CLIP2: variants seen among roughly 807,000 people sequenced by gnomAD.
The protein encoded by CLIP2 is CAP-Gly domain containing linker protein 2.
CLIP2 carries 41 observed loss-of-function variants against 111.7 expected under a neutral mutation model. The observed-to-expected ratio is 0.37, with a 90% confidence interval of 0.29 to 0.48. The LOEUF is 0.48. Ranked by LOEUF, CLIP2 falls within the 20% of genes least tolerant of loss-of-function variation. The probability of loss-of-function intolerance (pLI) is 0.99; values close to 1 mark genes in which losing one functional copy is unlikely to be tolerated. For synonymous variants in CLIP2, 660 were observed against 644.2 expected (o/e 1.02, Z -0.37); for missense variants, 1,160 against 1,422.1 (o/e 0.82, Z 2.96).
In CLIP2 at chr7:74,386,612, TC is replaced by T; in HGVS notation, c.2563+11del. ...TCAGGGCCCAAGTAAGTGGTAAGTCTCCCTCCCGCAGGGCAGATGCGGGGGG... is the reference window on the plus strand; with the variant it reads ...TCAGGGCCCAAGTAAGTGGTAAGTCTCCTCCCGCAGGGCAGATGCGGGGGG... On this transcript the variant is annotated intron_variant, in intron 12 of 16. Transcript: ENST00000223398. The T allele has an allele frequency of 6.3e-7, 1 of 1,598,640 alleles. No individual in the cohort carries two copies. Among genetic ancestry groups the T allele is most frequent in the Non-Finnish European group, 8.5e-7 (1 of 1,173,840 alleles).
At chr7:74,308,953 A>G (rs1272378505) in intron 1 of CLIP2, among the ~76,000 whole-genome samples, 1 of 151,974 alleles carries the variant, frequency 6.6e-6, no homozygotes, top group Non-Finnish European at 1.5e-5. Flanking sequence ...CTGCAGCCTC[A>G]ACCTCCTGGG....
intron 7 of CLIP2, among the ~76,000 whole-genome samples, chr7:74,362,340 C>T (rs1391448251): frequency 2.0e-5 from 3 of 152,062 alleles, no homozygotes; most frequent in Non-Finnish European, 4.4e-5. Context: ...TCCCCAACAC[C>T]CCCACTTGGG....
chr7:74,381,964 C>A (rs183039569), intron 11 of CLIP2, among the ~76,000 whole-genome samples: 25 of 152,012 alleles, frequency 1.6e-4, no homozygotes, highest in African/African-American at 5.3e-4. Flanking sequence ...ACCTGTTTCC[C>A]CTCAAACTCC....
chr7:74,336,602 T>C (rs566550653), intron 2 of CLIP2, among the ~76,000 whole-genome samples: 1 of 152,062 alleles, frequency 6.6e-6, no homozygotes, highest in East Asian at 1.9e-4. Flanking sequence ...TTCATTAAGC[T>C]CCCACTGGGT....
intron 1 of CLIP2, among the ~76,000 whole-genome samples, chr7:74,296,788 C>A (rs376538330): frequency 3.1e-3 from 376 of 119,888 alleles, no homozygotes; most frequent in South Asian, 4.2e-3. Flanking sequence ...GATTTTGTCT[C>A]AAAAAAAAAA....
At chr7:74,314,136 C>T (rs897226978) in intron 1 of CLIP2, among the ~76,000 whole-genome samples, 1 of 146,250 alleles carries the variant, frequency 6.8e-6, no homozygotes, top group Non-Finnish European at 1.5e-5. Flanking sequence ...GATCCAAGAT[C>T]GTGCCACTGC....
At chr7:74,326,100 C>T (rs1264469665) in intron 2 of CLIP2, among the ~76,000 whole-genome samples, 3 of 151,888 alleles carry the variant, frequency 2.0e-5, no homozygotes, top group African/African-American at 4.8e-5. Context: ...ATTAGCCGGG[C>T]GCGACGGCAC....
chr7:74,323,433 T>C (rs1789022296), intron 2 of CLIP2, among the ~76,000 whole-genome samples: 1 of 151,538 alleles, frequency 6.6e-6, no homozygotes, highest in Non-Finnish European at 1.5e-5. Context: ...TTTTCTTTTT[T>C]TTTTTCTTTT....
Position 74,376,563 on chromosome 7 carries a change from C to T in CLIP2, c.2162C>T (p.Ala721Val). Residue 721 changes from alanine (A) to valine (V), a missense_variant, in exon 10 of 17, where the codon GCC (alanine) becomes GTC (valine). Transcript: ENST00000223398. This position sits in a 1 kb window ranked among gnomAD's most constrained non-coding sequence, Gnocchi z 7.1. ...ASQHRLELQE[A>V]QDQRRDAELR... The stretch of plus-strand genomic sequence containing the variant: ...CAGCACCGGCTGGAGCTGCAGGAGG[C>T]CCAGGACCAGCGCCGGGATGCCGAG... 1 of 1,607,792 alleles carries T rather than the reference C, an allele frequency of 6.2e-7. No individual in the cohort carries two copies. The highest frequency in any genetic ancestry group is 1.1e-5 in the South Asian group (1 of 90,474).
At position 74,390,159 on chromosome 7, in the gene CLIP2, AAAG is replaced by A. The variant is rs1281523640; in HGVS notation, c.2720+906_2720+908del. ...GAGAAAGAAAGAAAGAAAAAGAAAG[AAAG>A]AAGAAAGAAAGAAAGAAAGAAAGAA... On this transcript the variant is annotated intron_variant, in intron 13 of 16. Coordinates refer to ENST00000223398, the MANE Select transcript of CLIP2 (RefSeq NM_003388.5). Among the ~76,000 whole-genome samples, 85 of 44,894 alleles carry A rather than the reference AAAG, an allele frequency of 1.9e-3. 4 individuals carry two copies. In the East Asian group the frequency reaches 0.019, roughly 10 times the overall value. 29.5% of individuals were successfully genotyped at this position (44,894 alleles called of 152,430 possible). A position where few individuals can be genotyped will look rare whatever the true frequency, so the allele number is the denominator to read the frequency against.
At chr7:74,351,149 G>A (rs111275597) in intron 3 of CLIP2, among the ~76,000 whole-genome samples, 96 of 151,404 alleles carry the variant, frequency 6.3e-4, no homozygotes, top group African/African-American at 2.2e-3. Context: ...GAGAGAGAGA[G>A]AGAAAGAAAG....
In CLIP2 at chr7:74,384,061, C is replaced by T. The variant is rs150012282; in HGVS notation, c.2480-2460C>T. Among the ~76,000 whole-genome samples the T allele has an allele frequency of 1.7e-3, 253 of 152,222 alleles. 4 individuals are homozygous for T. The East Asian group carries it at 0.022, about 13-fold the overall frequency. Reference sequence around the variant, plus strand: ...AAAATTAGCTGGGCGTGGTGGTGTGCGCCTGGAATCCCAGCTACGCAGGAA... The same window carrying T: ...AAAATTAGCTGGGCGTGGTGGTGTGTGCCTGGAATCCCAGCTACGCAGGAA... On this transcript the variant is annotated intron_variant, in intron 11 of 16. Coordinates refer to ENST00000223398, the MANE Select transcript of CLIP2 (RefSeq NM_003388.5).
At position 74,323,309 on chromosome 7, in the gene CLIP2, C is replaced by G. The variant is rs764774858; in HGVS notation, c.121+5642C>G. 1.3e-3 allele frequency among the ~76,000 whole-genome samples: 194 copies of G among 151,978 alleles called. 1 individual carries two copies. The highest frequency in any genetic ancestry group is 3.4e-3 in the Middle Eastern group (1 of 294). The stretch of plus-strand genomic sequence containing the variant: ...AATTTTTTGTAGAAACGGAGTCTTG[C>G]ATTTGTTGTCCTCATTGGTCATGAA... On this transcript the variant is annotated intron_variant, in intron 2 of 16. Coordinates refer to ENST00000223398, the MANE Select transcript of CLIP2 (RefSeq NM_003388.5).
At chr7:74,298,561 T>G (rs193056901) in intron 1 of CLIP2, among the ~76,000 whole-genome samples, 3 of 109,092 alleles carry the variant, frequency 2.7e-5, no homozygotes, top group African/African-American at 9.0e-5. Flanking sequence ...AGAGTTTCAC[T>G]CTGCTGTCCA....
intron 3 of CLIP2, among the ~76,000 whole-genome samples, chr7:74,353,226 A>G (rs1449315053): frequency 6.6e-6 from 1 of 151,334 alleles, no homozygotes; most frequent in East Asian, 1.9e-4. Context: ...GACACCGTAT[A>G]TACAGTACTT....
chr7:74,364,242 C>T lies in CLIP2; in HGVS notation c.1320-13C>T. ...GCAAAGCCAGGTCAGCCACCTCTTT[C>T]CCTCCCCTGCAGGAAGGTGGAGGAT... is the stretch of plus-strand genomic sequence containing the variant. On this transcript the variant is annotated splice_polypyrimidine_tract_variant and intron_variant, in intron 7 of 16. Coordinates refer to ENST00000223398, the MANE Select transcript of CLIP2 (RefSeq NM_003388.5). 1 of 1,611,456 alleles carries T rather than the reference C, an allele frequency of 6.2e-7. No individual in the cohort carries two copies. The highest frequency in any genetic ancestry group is 8.5e-7 in the Non-Finnish European group (1 of 1,178,782).
chr7:74,298,564 G>C (rs532135098), intron 1 of CLIP2, among the ~76,000 whole-genome samples: 1 of 101,246 alleles, frequency 9.9e-6, no homozygotes, highest in African/African-American at 3.1e-5. Context: ...GTTTCACTCT[G>C]CTGTCCAGGT....
At chr7:74,293,824 CT>C (rs1400266019) in intron 1 of CLIP2, among the ~76,000 whole-genome samples, 6 of 152,094 alleles carry the variant, frequency 3.9e-5, no homozygotes, top group Admixed American at 3.9e-4. Flanking sequence ...CTGCCACTGG[CT>C]TCCCCCAGCC....
At chr7:74,378,870 A>G (rs1406298607) in intron 10 of CLIP2, among the ~76,000 whole-genome samples, 1 of 152,144 alleles carries the variant, frequency 6.6e-6, no homozygotes, top group Non-Finnish European at 1.5e-5. Flanking sequence ...GGTCCCTTGT[A>G]ATGGCCTTCC....
Sources: allele counts gnomAD v4.1 joint callset (sites outside exome capture counted in the v4.1 genomes callset), GRCh38; gene constraint gnomAD v4.1.1; non-coding constraint Gnocchi (gnomAD v3.1); transcripts MANE v1.5; gene names NCBI Gene and HGNC (gene_info 2026-07-23, HGNC 2026-07-21).